Variants in SLC9A9 observed in about 807,000 individuals in gnomAD.
SLC9A9 encodes the protein solute carrier family 9 member A9.
In SLC9A9, 62 loss-of-function variants were observed where a neutral mutation model predicts 77.8. The ratio of observed to expected loss-of-function variants is 0.80; its 90% CI spans 0.65 to 0.98. SLC9A9 has a LOEUF of 0.98. Ranked by LOEUF, SLC9A9 falls within the 50% of genes least tolerant of loss-of-function variation. SLC9A9 has a pLI of 0.00. For missense variants in SLC9A9, 775 were observed against 774.9 expected (o/e 1.00, Z 0.00); for synonymous variants, 320 against 283.5 (o/e 1.13, Z -1.29).
intron 6 of SLC9A9, among the ~76,000 whole-genome samples, chr3:143,602,373 G>T (rs932124220): frequency 2.0e-5 from 3 of 152,170 alleles, no homozygotes; most frequent in Non-Finnish European, 4.4e-5. Flanking sequence ...CGTGAGATCT[G>T]GGTGAACGTC....
At chr3:143,403,513 T>C (rs1023309405) in intron 12 of SLC9A9, among the ~76,000 whole-genome samples, 8 of 152,186 alleles carry the variant, frequency 5.3e-5, no homozygotes, top group Non-Finnish European at 8.8e-5. Flanking sequence ...AAAAAAAACT[T>C]CCTTAGTAAT....
At chr3:143,769,936 CG>C (rs1319955143) in intron 4 of SLC9A9, among the ~76,000 whole-genome samples, 2 of 152,108 alleles carry the variant, frequency 1.3e-5, no homozygotes, top group African/African-American at 4.8e-5. Context: ...ATTCAAGAGA[CG>C]TGTATCTGAA....
At chr3:143,408,445 T>C (rs917284497) in intron 12 of SLC9A9, among the ~76,000 whole-genome samples, 1 of 152,342 alleles carries the variant, frequency 6.6e-6, no homozygotes, top group East Asian at 1.9e-4. Context: ...GAAATAATGC[T>C]GCTGCTATTA....
rs545698453 is a variant in SLC9A9 at position 143,479,650 on chromosome 3, G to C, written c.1316-12460C>G. Among the ~76,000 whole-genome samples, 5 of 152,268 alleles carry C rather than the reference G, an allele frequency of 3.3e-5. No homozygotes were observed. In the East Asian group the frequency reaches 9.6e-4, roughly 29 times the overall value. ...TGATTGTCCTTAAATGGAGGGAAGAGAGCAGGAGCCATGGGCCTTTGTCTT... is the reference window on the plus strand; with the variant it reads ...TGATTGTCCTTAAATGGAGGGAAGACAGCAGGAGCCATGGGCCTTTGTCTT... On this transcript the variant is annotated intron_variant, in intron 11 of 15. Transcript: ENST00000316549.
chr3:143,401,126 G>T (rs1189992327), intron 12 of SLC9A9, among the ~76,000 whole-genome samples: 6 of 152,142 alleles, frequency 3.9e-5, no homozygotes, highest in Non-Finnish European at 4.4e-5. Flanking sequence ...TCTTGAATAG[G>T]TTTAGCCAAT....
chr3:143,341,898 G>A (rs2032109961), intron 14 of SLC9A9, among the ~76,000 whole-genome samples: 1 of 152,158 alleles, frequency 6.6e-6, no homozygotes, highest in Non-Finnish European at 1.5e-5. Flanking sequence ...TTAATAAAAA[G>A]AATGCACACT....
chr3:143,370,861 T>G (rs1054091579), intron 13 of SLC9A9, among the ~76,000 whole-genome samples: 1 of 152,074 alleles, frequency 6.6e-6, no homozygotes, highest in Non-Finnish European at 1.5e-5. Flanking sequence ...ATTGGATAAC[T>G]GGCAGCAAAG....
rs200481664 is a variant in SLC9A9, at chr3:143,329,670, G to A, written c.1604+33814C>T. Among the ~76,000 whole-genome samples, 13 of 152,302 alleles carry A rather than the reference G, an allele frequency of 8.5e-5. No homozygotes were observed. In the East Asian group the frequency reaches 2.3e-3, roughly 27 times the overall value. Reference sequence around the variant, plus strand: ...AGTGCTCGCCTCTCTGGCAGAGGGAGCTTCACTTCTGTTCCATTCATCTCC... The same window carrying A: ...AGTGCTCGCCTCTCTGGCAGAGGGAACTTCACTTCTGTTCCATTCATCTCC... On this transcript the variant is annotated intron_variant, in intron 14 of 15. Transcript: ENST00000316549.
At chr3:143,308,943 TC>T (rs2030916507) in intron 14 of SLC9A9, among the ~76,000 whole-genome samples, 1 of 152,014 alleles carries the variant, frequency 6.6e-6, no homozygotes, top group African/African-American at 2.4e-5. Flanking sequence ...GGCTCAGTTT[TC>T]CCCCCATAAA....
chr3:143,492,742 A>G (rs1300115883), intron 11 of SLC9A9, among the ~76,000 whole-genome samples: 3 of 152,240 alleles, frequency 2.0e-5, no homozygotes, highest in Non-Finnish European at 4.4e-5. Context: ...GCAAGTGCTA[A>G]TAAATGTTCA....
chr3:143,833,921 C>A (rs530999294), intron 1 of SLC9A9, among the ~76,000 whole-genome samples: 3 of 152,202 alleles, frequency 2.0e-5, no homozygotes, highest in Admixed American at 6.5e-5. Context: ...AGACCTAGAC[C>A]ATAGGCAGAG....
chr3:143,737,903 C>T (rs141798533), intron 4 of SLC9A9, among the ~76,000 whole-genome samples: 5 of 152,278 alleles, frequency 3.3e-5, no homozygotes, highest in African/African-American at 7.2e-5. Flanking sequence ...ATATGTAAGA[C>T]GTGTTCACAT....
At chr3:143,612,662 A>T (rs758661326) in intron 6 of SLC9A9, among the ~76,000 whole-genome samples, 3 of 152,250 alleles carry the variant, frequency 2.0e-5, no homozygotes, top group Non-Finnish European at 4.4e-5. Flanking sequence ...AATACCTGCA[A>T]CTAGTCTGAG....
intron 12 of SLC9A9, among the ~76,000 whole-genome samples, chr3:143,422,315 A>T (rs2034314395): frequency 6.6e-6 from 1 of 152,234 alleles, no homozygotes; most frequent in South Asian, 2.1e-4. Context: ...TCATCGCAGC[A>T]CTATTCACAA....
intron 5 of SLC9A9, among the ~76,000 whole-genome samples, chr3:143,654,037 C>A (rs1410241833): frequency 1.3e-5 from 2 of 152,068 alleles, no homozygotes; most frequent in African/African-American, 4.8e-5. Context: ...TGAGAGGCAG[C>A]AAGGAATGAC....
In SLC9A9 at chr3:143,795,298, A is replaced by AAAAC. The variant is rs773512846; in HGVS notation, c.457-222_457-221insGTTT. 8.5e-4 allele frequency among the ~76,000 whole-genome samples: 119 copies of AAAAC among 140,282 alleles called. 1 individual carries two copies. Among genetic ancestry groups the AAAAC allele is most frequent in the African/African-American group, 2.3e-3 (90 of 38,858 alleles). 92.0% of individuals were successfully genotyped at this position (140,282 alleles called of 152,430 possible). On this transcript the variant is annotated intron_variant, in intron 3 of 15. Transcript: ENST00000316549. ...AAGAAGCAGAAAAAAAAAAAAAAAA[A>AAAAC]AACCCACTGGAAGATGAGTAGGTAG...
chr3:143,639,559 C>T (rs1021332066), intron 6 of SLC9A9, among the ~76,000 whole-genome samples: 7 of 152,202 alleles, frequency 4.6e-5, no homozygotes, highest in African/African-American at 1.2e-4. Flanking sequence ...GAATCAAACA[C>T]TGCTAGTCTT....
At chr3:143,371,406 G>A (rs1394345002) in intron 13 of SLC9A9, among the ~76,000 whole-genome samples, 2 of 152,128 alleles carry the variant, frequency 1.3e-5, no homozygotes, top group African/African-American at 4.8e-5. Flanking sequence ...AGATTTTAAT[G>A]GCTTGACTGA....
At chr3:143,361,852 G>GT (rs1302869386) in intron 14 of SLC9A9, among the ~76,000 whole-genome samples, 4 of 151,894 alleles carry the variant, frequency 2.6e-5, no homozygotes, top group East Asian at 1.9e-4. Flanking sequence ...TTGTCTTCAA[G>GT]TTTTTTTTCA....
Sources: gnomAD v4.1 joint callset for allele counts (sites outside exome capture counted in the v4.1 genomes callset) on GRCh38, gnomAD v4.1.1 for gene constraint, MANE v1.5 for transcripts, NCBI Gene and HGNC (gene_info 2026-07-23, HGNC 2026-07-21) for gene names.